UTP6: variants seen among roughly 807,000 people sequenced by gnomAD.
UTP6 encodes the protein UTP6 small subunit processome component.
A neutral mutation model predicts 96.5 loss-of-function variants in UTP6; 60 were observed. The observed-to-expected ratio is 0.62, with a 90% CI of 0.51 to 0.77. The LOEUF (loss-of-function observed/expected upper bound fraction) is 0.77, where lower values mean the gene tolerates loss of function less well. UTP6 is among the 30% of genes least tolerant of loss of function. UTP6 has a pLI of 0.00. For synonymous variants in UTP6, 215 were observed against 240.1 expected, an observed-to-expected ratio of 0.90 and a Z score of 0.96; for missense variants, 637 against 706.5, an observed-to-expected ratio of 0.90 and a Z score of 1.12.
At chr17:31,892,107 T>C (rs1033164872) in intron 6 of UTP6, 153 bp downstream of exon 6, 1 of 688,962 alleles carries the variant, frequency 1.5e-6, no homozygotes. Context: ...GGGTGAACTA[T>C]GAGGCAGCTA....
chr17:31,864,215 T>C (rs1360051827), intron 18 of UTP6, among the ~76,000 whole-genome samples: 1 of 152,018 alleles, frequency 6.6e-6, no homozygotes, highest in African/African-American at 2.4e-5. Context: ...CGAAACTCCA[T>C]CTCGACTGAA....
intron 5 of UTP6, 45 bp downstream of exon 5, chr17:31,892,702 C>T (rs1904392390): frequency 6.2e-7 from 1 of 1,612,946 alleles, no homozygotes; most frequent in Admixed American, 1.7e-5. Context: ...GGCAGATTAA[C>T]AAAAAGACGG....
intron 4 of UTP6, among the ~76,000 whole-genome samples, chr17:31,893,268 C>A (rs1184937088): frequency 4.0e-5 from 6 of 151,030 alleles, no homozygotes; most frequent in African/African-American, 1.5e-4. Flanking sequence ...AAAAAACAAA[C>A]AAAAAAAATT....
intron 2 of UTP6, among the ~76,000 whole-genome samples, chr17:31,895,631 TTA>T (rs1431272155): frequency 1.3e-5 from 2 of 151,974 alleles, no homozygotes; most frequent in African/African-American, 4.8e-5. Context: ...CCTCCTGGCT[TTA>T]AGAGATTCTC....
intron 8 of UTP6, 74 bp from the exon 9 acceptor site, chr17:31,886,135 T>C: frequency 1.6e-6 from 2 of 1,270,404 alleles, no homozygotes; most frequent in South Asian, 2.5e-5. Context: ...AAATTAACAA[T>C]CCTAGACTAC....
chr17:31,891,603 C>A (rs573601323), intron 6 of UTP6, among the ~76,000 whole-genome samples: 5 of 152,160 alleles, frequency 3.3e-5, no homozygotes, highest in Non-Finnish European at 7.3e-5. Context: ...TACTCTGTAC[C>A]AGCACTCTTC....
At chr17:31,900,411 A>T (rs948885291) in intron 1 of UTP6, among the ~76,000 whole-genome samples, 20 of 151,020 alleles carry the variant, frequency 1.3e-4, no homozygotes, top group East Asian at 5.9e-4. Flanking sequence ...CCTGCCTCAG[A>T]CTCCCGAGTA....
chr17:31,870,282 T>C (rs1450890461), intron 16 of UTP6, among the ~76,000 whole-genome samples: 3 of 152,158 alleles, frequency 2.0e-5, no homozygotes, highest in Admixed American at 6.6e-5. Context: ...TAATTTACAT[T>C]CCCACCAACA....
At chr17:31,892,852 T>C (rs1904404252) in intron 4 of UTP6, 58 bp from the exon 5 acceptor site, 1 of 1,598,646 alleles carries the variant, frequency 6.3e-7, no homozygotes, top group African/African-American at 1.3e-5. Context: ...ATAATACACC[T>C]TTGCATTAAT....
intron 16 of UTP6, 46 bp from the exon 17 acceptor site, chr17:31,868,158 C>A (rs1442693465): frequency 1.9e-6 from 3 of 1,557,334 alleles, no homozygotes; most frequent in Non-Finnish European, 2.6e-6. Context: ...GACAAAAAGC[C>A]TCTTACATCT....
In UTP6 at chr17:31,870,774, C is replaced by T. The variant is rs184491773; in HGVS notation, c.1496+2604G>A. On this transcript the variant is annotated intron_variant, in intron 16 of 18. Transcript: ENST00000261708. Reference sequence around the variant, plus strand: ...TCCTGACCTCGTGATCCGTCTGCCTCGACCTCCCAAAGTGCTGGGATTACA... The same window carrying T: ...TCCTGACCTCGTGATCCGTCTGCCTTGACCTCCCAAAGTGCTGGGATTACA... Among the ~76,000 whole-genome samples, 808 of 151,654 alleles carry T rather than the reference C, an allele frequency of 5.3e-3. 5 individuals carry two copies. The highest frequency in any genetic ancestry group is 9.3e-3 in the Non-Finnish European group (628 of 67,878).
At chr17:31,899,336 G>A (rs1904833828) in intron 2 of UTP6, among the ~76,000 whole-genome samples, 1 of 152,166 alleles carries the variant, frequency 6.6e-6, no homozygotes, top group Admixed American at 6.6e-5. Flanking sequence ...GCCGGGCACT[G>A]TGGTTCACAC....
chr17:31,880,945 G>A (rs1424874669), intron 10 of UTP6, among the ~76,000 whole-genome samples, 191 bp from the exon 11 acceptor site: 1 of 152,152 alleles, frequency 6.6e-6, no homozygotes, highest in Non-Finnish European at 1.5e-5. Flanking sequence ...GGAGTCTGAG[G>A]TGGGTGGATC....
intron 18 of UTP6, among the ~76,000 whole-genome samples, chr17:31,864,053 A>T (rs1456314496): frequency 4.0e-5 from 6 of 151,896 alleles, no homozygotes; most frequent in Non-Finnish European, 7.4e-5. Flanking sequence ...CCTTCACATC[A>T]ATCATAAAAG....
intron 2 of UTP6, among the ~76,000 whole-genome samples, chr17:31,896,017 G>GA (rs549601729): frequency 0.12 from 14,257 of 123,812 alleles, 1,268 homozygotes; most frequent in African/African-American, 0.27. Context: ...TCTCAAAAAA[G>GA]AAAAAAAAAA....
chr17:31,866,185 G>T (rs527948009), intron 17 of UTP6, among the ~76,000 whole-genome samples: 1 of 151,650 alleles, frequency 6.6e-6, no homozygotes, highest in South Asian at 2.1e-4. Context: ...TACTCAGGAG[G>T]CTGAGGCAGG....
Position 31,887,321 on chromosome 17 carries a change from A to G in UTP6, c.544-8T>C. On this transcript the variant is annotated splice_polypyrimidine_tract_variant and splice_region_variant and intron_variant, in intron 7 of 18. Transcript: ENST00000261708. ...CAGCTCCATCCTAAAGTACTACAGA[A>G]GAGAAATAAACTGAAAATCTTTGGA... is the stretch of plus-strand genomic sequence containing the variant. 6.2e-7 allele frequency: 1 copy of G among 1,612,636 alleles called. No homozygotes were observed.
intron 16 of UTP6, among the ~76,000 whole-genome samples, chr17:31,870,402 T>A (rs1910084116): frequency 6.6e-6 from 1 of 152,212 alleles, no homozygotes; most frequent in Non-Finnish European, 1.5e-5. Flanking sequence ...TTTGCATTTC[T>A]CTAAAAGTTA....
intron 16 of UTP6, among the ~76,000 whole-genome samples, chr17:31,869,547 C>T (rs941656505): frequency 6.6e-6 from 1 of 151,336 alleles, no homozygotes; most frequent in Non-Finnish European, 1.5e-5. Flanking sequence ...TGTGGTGGCA[C>T]AATCATAGCT....
Sources: allele counts gnomAD v4.1 joint callset (sites outside exome capture counted in the v4.1 genomes callset), GRCh38; gene constraint gnomAD v4.1.1; transcripts MANE v1.5; gene names NCBI Gene and HGNC (gene_info 2026-07-23, HGNC 2026-07-21).